The following PIK3CB variants were observed in gnomAD, a reference collection of about 807,000 sequenced individuals.
The protein encoded by PIK3CB is phosphatidylinositol 4,5-bisphosphate 3-kinase catalytic subunit beta isoform.
Under a neutral mutation model 136.8 loss-of-function variants are expected in PIK3CB, and 39 were observed. The observed-to-expected ratio is 0.29, with a 90% CI of 0.22 to 0.37. PIK3CB has a LOEUF of 0.37. PIK3CB is among the 10% of genes least tolerant of loss of function. The pLI is 1.00. For synonymous variants in PIK3CB, 428 were observed against 436.6 expected (o/e 0.98, Z 0.25); for missense variants, 868 against 1,275.4 (o/e 0.68, Z 4.87).
intron 1 of PIK3CB, chr3:138,826,085 C>T (rs987449466): frequency 2.8e-6 from 3 of 1,074,510 alleles, no homozygotes; most frequent in African/African-American, 3.1e-5. Flanking sequence ...AGATTGATCA[C>T]CATTCTAGTA....
chr3:138,801,248 T>C (rs939574208), intron 1 of PIK3CB, among the ~76,000 whole-genome samples: 3 of 151,798 alleles, frequency 2.0e-5, no homozygotes, highest in Admixed American at 2.0e-4. Context: ...TATTATTTTT[T>C]AAATAACGAT....
chr3:138,720,416 T>G (rs1040389644), intron 8 of PIK3CB, among the ~76,000 whole-genome samples: 1 of 152,222 alleles, frequency 6.6e-6, no homozygotes, highest in African/African-American at 2.4e-5. Context: ...AATAGTTTTG[T>G]CTGCCTTCAC....
At chr3:138,711,745 A>G (rs1156396380) in intron 10 of PIK3CB, among the ~76,000 whole-genome samples, 1 of 152,114 alleles carries the variant, frequency 6.6e-6, no homozygotes, top group Non-Finnish European at 1.5e-5. Context: ...ATTTGTTAAT[A>G]CTAGAGTTAA....
chr3:138,816,221 T>C (rs935220067), intron 1 of PIK3CB, among the ~76,000 whole-genome samples: 1 of 152,172 alleles, frequency 6.6e-6, no homozygotes, highest in African/African-American at 2.4e-5. Context: ...GAGGATTGTT[T>C]GAGACCAGGA....
chr3:138,700,327 T>A (rs976923391), intron 12 of PIK3CB, among the ~76,000 whole-genome samples: 2 of 151,996 alleles, frequency 1.3e-5, no homozygotes, highest in African/African-American at 4.8e-5. Context: ...AATGAAACTC[T>A]CCGGAGAAAT....
At chr3:138,757,599 G>A (rs1192743075) in intron 3 of PIK3CB, among the ~76,000 whole-genome samples, 1 of 139,416 alleles carries the variant, frequency 7.2e-6, no homozygotes, top group African/African-American at 2.6e-5. Context: ...GAGGAAGGAA[G>A]AAAGGAAGGA....
At chr3:138,672,246 T>C (rs1268513078) in intron 19 of PIK3CB, among the ~76,000 whole-genome samples, 1 of 152,100 alleles carries the variant, frequency 6.6e-6, no homozygotes, top group Non-Finnish European at 1.5e-5. Flanking sequence ...GTTTCCCATC[T>C]ACCCCAGAAA....
At chr3:138,718,328 T>G (rs980627793) in intron 8 of PIK3CB, among the ~76,000 whole-genome samples, 2 of 152,262 alleles carry the variant, frequency 1.3e-5, no homozygotes, top group Non-Finnish European at 2.9e-5. Flanking sequence ...GTATGTCTTC[T>G]TTTGAAAAGT....
At chr3:138,768,120 A>G (rs1234668597) in intron 2 of PIK3CB, among the ~76,000 whole-genome samples, 1 of 151,384 alleles carries the variant, frequency 6.6e-6, no homozygotes, top group East Asian at 1.9e-4. Context: ...TCATCCTGTC[A>G]TCTCTGCAGC....
chr3:138,825,661 C>T (rs1052837720), intron 1 of PIK3CB: 4 of 644,166 alleles, frequency 6.2e-6, no homozygotes, highest in South Asian at 5.6e-5. Context: ...ACCACTAACT[C>T]ATCCAACTGA....
rs115357443 is a variant in PIK3CB, at chr3:138,673,468, C to T, written c.2505-8265G>A. ...GACCGAGAACAGACTTTTTAAAAAC[C>T]GAGACTAGAAGACAAATGAATAATA... On this transcript the variant is annotated intron_variant, in intron 19 of 23. Coordinates refer to ENST00000674063, the MANE Select transcript of PIK3CB (RefSeq NM_006219.3). 5.0e-3 allele frequency among the ~76,000 whole-genome samples: 754 copies of T among 152,084 alleles called. 6 individuals are homozygous for T. Among genetic ancestry groups the T allele is most frequent in the African/African-American group, 0.017 (721 of 41,482 alleles).
At chr3:138,711,058 G>A (rs143803980) in intron 10 of PIK3CB, among the ~76,000 whole-genome samples, 6,649 of 150,564 alleles carry the variant, frequency 0.044, 472 homozygotes, top group African/African-American at 0.15. Context: ...CACTCCAGCC[G>A]AGGTGACAGA....
At chr3:138,713,059 G>A (rs1262097295) in intron 9 of PIK3CB, among the ~76,000 whole-genome samples, 1 of 151,966 alleles carries the variant, frequency 6.6e-6, no homozygotes, top group Non-Finnish European at 1.5e-5. Flanking sequence ...TTTCACCATA[G>A]TGTATCAAAA....
chr3:138,686,682 G>A (rs555810315), intron 16 of PIK3CB, among the ~76,000 whole-genome samples: 43 of 152,226 alleles, frequency 2.8e-4, no homozygotes, highest in African/African-American at 1.0e-3. Context: ...AAACAATGTG[G>A]CTTGAAATTC....
chr3:138,776,946 A>C (rs960703372), intron 2 of PIK3CB, among the ~76,000 whole-genome samples: 1 of 151,470 alleles, frequency 6.6e-6, no homozygotes, highest in African/African-American at 2.4e-5. Context: ...AAAAAAAAGA[A>C]TCTAAATAAT....
chr3:138,758,335 C>A (rs913584159), intron 3 of PIK3CB, among the ~76,000 whole-genome samples: 3 of 152,188 alleles, frequency 2.0e-5, no homozygotes, highest in Admixed American at 1.3e-4. Context: ...GATGGTTGCA[C>A]AGCACTGTGA....
Position 138,823,491 on chromosome 3 carries a change from T to C in PIK3CB, c.-122+11204A>G, listed in dbSNP as rs187172138. On this transcript the variant is annotated intron_variant, in intron 1 of 23. Transcript: ENST00000674063. ...AGGTAGAGGTGGGCAGATCACGAGG[T>C]CAGGAGATCGAGACCATCCTGGGCA... 8.8e-3 allele frequency among the ~76,000 whole-genome samples: 1,322 copies of C among 150,830 alleles called. 6 individuals are homozygous for C. The highest frequency in any genetic ancestry group is 0.014 in the Non-Finnish European group (944 of 67,874).
At chr3:138,666,526 CTATT>C (rs1190334354) in intron 19 of PIK3CB, among the ~76,000 whole-genome samples, 2 of 152,038 alleles carry the variant, frequency 1.3e-5, no homozygotes, top group Non-Finnish European at 2.9e-5. Flanking sequence ...CATTCTTTGC[CTATT>C]TATTAGGGCT....
At chr3:138,688,387 G>C (rs562538328) in intron 16 of PIK3CB, among the ~76,000 whole-genome samples, 2 of 151,486 alleles carry the variant, frequency 1.3e-5, no homozygotes, top group South Asian at 2.1e-4. Flanking sequence ...TGTAGTCCCA[G>C]CTACTCGGGA....
Sources: gnomAD v4.1 joint callset for allele counts (sites outside exome capture counted in the v4.1 genomes callset) on GRCh38, gnomAD v4.1.1 for gene constraint, MANE v1.5 for transcripts, NCBI Gene and HGNC (gene_info 2026-07-23, HGNC 2026-07-21) for gene names.